MYOF: variants seen among roughly 807,000 people sequenced by gnomAD.
The protein encoded by MYOF is fer-1-like 3, myoferlin.
MYOF carries 244 observed loss-of-function variants against 284.2 expected under a neutral mutation model. The observed-to-expected ratio is 0.86, with a 90% CI of 0.77 to 0.95. The LOEUF (loss-of-function observed/expected upper bound fraction) is 0.95, where lower values mean the gene tolerates loss of function less well. Ranked by LOEUF, MYOF falls within the 40% of genes least tolerant of loss-of-function variation. The probability of loss-of-function intolerance (pLI) is 0.00; values close to 1 mark genes in which losing one functional copy is unlikely to be tolerated. For missense variants in MYOF, 2,496 were observed against 2,560.6 expected, an observed-to-expected ratio of 0.97 and a Z score of 0.54; for synonymous variants, 904 against 919.7, an observed-to-expected ratio of 0.98 and a Z score of 0.31.
rs114952015 is a variant in MYOF at position 93,411,093 on chromosome 10, G to A, written c.434-1354C>T. Among the ~76,000 whole-genome samples, 654 of 152,372 alleles carry A rather than the reference G, an allele frequency of 4.3e-3. 8 individuals are homozygous for A. Among genetic ancestry groups the A allele is most frequent in the African/African-American group, 0.015 (638 of 41,586 alleles). Reference sequence around the variant, plus strand: ...ATCTATAGGCGAAGCCTTTAGCACAGTATCTGGCATACAGAAGCACCCAAT... The same window carrying A: ...ATCTATAGGCGAAGCCTTTAGCACAATATCTGGCATACAGAAGCACCCAAT... On this transcript the variant is annotated intron_variant, in intron 5 of 53. Transcript: ENST00000359263.
chr10:93,343,965 C>T (rs1403463458), intron 37 of MYOF, 33 bp from the exon 38 acceptor site: 5 of 1,611,648 alleles, frequency 3.1e-6, no homozygotes, highest in Non-Finnish European at 4.2e-6. Flanking sequence ...ATCTAAGATA[C>T]TTAGAGAAAT....
intron 1 of MYOF, among the ~76,000 whole-genome samples, chr10:93,459,954 C>T (rs2056835961): frequency 6.6e-6 from 1 of 152,190 alleles, no homozygotes; most frequent in Admixed American, 6.5e-5. Context: ...AGGAGTGGAT[C>T]TGGACCCTGA....
intron 4 of MYOF, among the ~76,000 whole-genome samples, chr10:93,431,111 C>T (rs1848843089): frequency 6.6e-6 from 1 of 151,410 alleles, no homozygotes. Context: ...TCACTACAAC[C>T]TCCATCTCCT....
intron 29 of MYOF, among the ~76,000 whole-genome samples, chr10:93,358,031 A>G (rs959022197): frequency 3.3e-5 from 5 of 152,236 alleles, no homozygotes; most frequent in Non-Finnish European, 7.3e-5. Context: ...ACAGAATGGA[A>G]GAAAATTTTT....
At chr10:93,344,923 T>G (rs1328564578) in intron 37 of MYOF, among the ~76,000 whole-genome samples, 1 of 152,094 alleles carries the variant, frequency 6.6e-6, no homozygotes, top group Non-Finnish European at 1.5e-5. Context: ...ATTTGGGGGT[T>G]AGAGCATGGA....
intron 27 of MYOF, 94 bp from the exon 28 acceptor site, chr10:93,361,651 A>T: frequency 9.3e-7 from 1 of 1,070,892 alleles, no homozygotes; most frequent in Non-Finnish European, 1.4e-6. Flanking sequence ...TAACTATGGC[A>T]TTCACACCTT....
At chr10:93,337,720 C>CA (rs1843680316) in intron 40 of MYOF, 95 bp downstream of exon 40, 1 of 996,754 alleles carries the variant, frequency 1.0e-6, no homozygotes, top group African/African-American at 1.6e-5. Flanking sequence ...CATTAGCACC[C>CA]ACCCAAGGGA....
intron 1 of MYOF, among the ~76,000 whole-genome samples, chr10:93,477,320 C>T (rs7914008): frequency 0.95 from 144,706 of 151,866 alleles, 69,324 homozygotes; most frequent in East Asian, 1. Context: ...GGTGAAACCC[C>T]GTCTCTACTA....
intron 2 of MYOF, among the ~76,000 whole-genome samples, chr10:93,454,068 G>T (rs2056671391): frequency 2.0e-5 from 3 of 152,244 alleles, no homozygotes; most frequent in Admixed American, 2.0e-4. Flanking sequence ...TGTAATCCCA[G>T]CTACCTGGGA....
chr10:93,416,001 C>T (rs1216616203), intron 5 of MYOF, among the ~76,000 whole-genome samples: 1 of 152,212 alleles, frequency 6.6e-6, no homozygotes, highest in African/African-American at 2.4e-5. Flanking sequence ...CTTCTTCCAG[C>T]CAGCCCTCTG....
intron 43 of MYOF, among the ~76,000 whole-genome samples, chr10:93,331,270 A>AC (rs1361812759): frequency 6.6e-6 from 1 of 151,688 alleles, no homozygotes; most frequent in African/African-American, 2.4e-5. Context: ...GAAGAAAGCT[A>AC]CCCCCTAAGA....
chr10:93,324,829 G>C (rs1035917022), intron 46 of MYOF, among the ~76,000 whole-genome samples: 8 of 151,828 alleles, frequency 5.3e-5, no homozygotes, highest in Non-Finnish European at 1.0e-4. Flanking sequence ...ACCCAGGCTA[G>C]AGTGCAGTGG....
chr10:93,333,982 C>T, intron 41 of MYOF, 69 bp from the exon 42 acceptor site: 1 of 1,497,046 alleles, frequency 6.7e-7, no homozygotes, highest in African/African-American at 1.4e-5. Context: ...TGGGAAGTCC[C>T]CTCCTCCGCC....
At chr10:93,469,101 A>T (rs1007837960) in intron 1 of MYOF, among the ~76,000 whole-genome samples, 8 of 152,140 alleles carry the variant, frequency 5.3e-5, no homozygotes, top group Non-Finnish European at 1.5e-5. Context: ...TGGAGAACAG[A>T]TAAGATTATA....
chr10:93,321,270 CAG>C (rs773260451), intron 48 of MYOF, among the ~76,000 whole-genome samples: 11 of 152,140 alleles, frequency 7.2e-5, no homozygotes, highest in Non-Finnish European at 1.5e-4. Flanking sequence ...CAAAGAACCA[CAG>C]AGATTGCAAA....
In MYOF at chr10:93,395,357, T is replaced by G. The variant is rs369090190; in HGVS notation, c.1417+785A>C. Reference sequence around the variant, plus strand: ...ACTCGGGAGGCTGAGGCAGGAGAACTGCTTGAACCTGGGAGGCAGACGTTG... The same window carrying G: ...ACTCGGGAGGCTGAGGCAGGAGAACGGCTTGAACCTGGGAGGCAGACGTTG... On this transcript the variant is annotated intron_variant, in intron 16 of 53. Transcript: ENST00000359263. Among the ~76,000 whole-genome samples, 181 of 152,284 alleles carry G rather than the reference T, an allele frequency of 1.2e-3. 1 individual carries two copies. The highest frequency in any genetic ancestry group is 4.2e-3 in the African/African-American group (173 of 41,566).
chr10:93,436,208 C>G (rs2134237852), intron 3 of MYOF, among the ~76,000 whole-genome samples: 1 of 152,260 alleles, frequency 6.6e-6, no homozygotes, highest in Non-Finnish European at 1.5e-5. Context: ...AACACAAAGC[C>G]TTCCTGCTGA....
At chr10:93,353,050 G>A (rs190398338) in intron 32 of MYOF, among the ~76,000 whole-genome samples, 9 of 152,254 alleles carry the variant, frequency 5.9e-5, no homozygotes, top group Admixed American at 5.2e-4. Flanking sequence ...AGTGCAGCTC[G>A]CTGCCAGCAC....
chr10:93,310,689 A>C (rs1004017510), intron 51 of MYOF, 46 bp from the exon 52 acceptor site: 19 of 1,559,886 alleles, frequency 1.2e-5, no homozygotes, highest in Non-Finnish European at 1.5e-5. Flanking sequence ...CATGTTTCAC[A>C]AATATTTTTA....
Sources: gnomAD v4.1 joint callset for allele counts (sites outside exome capture counted in the v4.1 genomes callset) on GRCh38, gnomAD v4.1.1 for gene constraint, MANE v1.5 for transcripts, NCBI Gene and HGNC (gene_info 2026-07-23, HGNC 2026-07-21) for gene names.